The following BRMS1 variants were observed in gnomAD, a reference collection of about 807,000 sequenced individuals.
BRMS1 encodes the protein breast cancer metastasis-suppressor 1.
Under a neutral mutation model 40.4 loss-of-function variants are expected in BRMS1, and 26 were observed. The ratio of observed to expected loss-of-function variants is 0.64; its 90% CI spans 0.47 to 0.89. BRMS1 has a LOEUF of 0.89. Among genes scored for constraint, BRMS1 ranks in the 40% least tolerant of loss-of-function variants. The pLI, the probability that BRMS1 is intolerant of heterozygous loss-of-function variation, is 0.00. For missense variants in BRMS1, 289 were observed against 309.4 expected (o/e 0.93, Z 0.49); for synonymous variants, 103 against 116.0 (o/e 0.89, Z 0.72).
At chr11:66,342,715 G>A (rs1219004670) in intron 1 of BRMS1, among the ~76,000 whole-genome samples, 1 of 152,102 alleles carries the variant, frequency 6.6e-6, no homozygotes, top group Non-Finnish European at 1.5e-5. Flanking sequence ...ACAGGCGCCC[G>A]CACCACACCC....
intron 1 of BRMS1, among the ~76,000 whole-genome samples, chr11:66,343,774 T>C (rs532856821): frequency 5.3e-5 from 8 of 152,118 alleles, no homozygotes; most frequent in South Asian, 4.2e-4. Context: ...CAAGGCACAA[T>C]GTGTGCGATC....
rs374819672 is a variant in BRMS1 at position 66,337,880 on chromosome 11, G to C, written c.*2C>G. On this transcript the variant is annotated 3_prime_UTR_variant, in exon 10 of 10. Transcript: ENST00000359957. ...GGGTCCCCCTGGCTGTGAACAGCAG[G>C]GTCAAGGTCCTGTGCATATGTGGGA... 1 of 1,613,662 alleles carries C rather than the reference G, an allele frequency of 6.2e-7. No individual in the cohort carries two copies. Among genetic ancestry groups the C allele is most frequent in the African/African-American group, 1.3e-5 (1 of 74,932 alleles).
intron 8 of BRMS1, 63 bp from the exon 9 acceptor site, chr11:66,338,345 AC>A (rs1365772391): frequency 1.3e-6 from 2 of 1,559,460 alleles, no homozygotes; most frequent in Non-Finnish European, 1.7e-6. Context: ...TCCCTGCCCC[AC>A]CCCCCACCTC....
At chr11:66,344,611 A>G (rs1044957140) in intron 1 of BRMS1, 4 of 152,248 alleles carry the variant, frequency 2.6e-5, no homozygotes, top group African/African-American at 9.6e-5. Flanking sequence ...AAAGCGGATA[A>G]CCATTCCTGC....
rs1855172928 is a variant in BRMS1 at position 66,344,987 on chromosome 11, C to T, written c.-23G>A. On this transcript the variant is annotated 5_prime_UTR_variant, in exon 1 of 10. Coordinates refer to ENST00000359957, the MANE Select transcript of BRMS1 (RefSeq NM_015399.4). ...CGATACGCACCGCGGGGACTGGAGC[C>T]TCTGGCCTCACGACGGAGATTCCCT... 1 of 152,302 alleles carries T rather than the reference C, an allele frequency of 6.6e-6. No homozygotes were observed. Among genetic ancestry groups the T allele is most frequent in the South Asian group, 2.1e-4 (1 of 4,834 alleles). 9.4% of individuals were successfully genotyped at this position (152,302 alleles called of 1,614,324 possible).
At position 66,340,116 on chromosome 11, in the gene BRMS1, G is replaced by C. The variant is rs764446829; in HGVS notation, c.628+5C>G. On this transcript the variant is annotated splice_donor_5th_base_variant and intron_variant, in intron 7 of 9. Coordinates refer to ENST00000359957, the MANE Select transcript of BRMS1 (RefSeq NM_015399.4). ...ACTTTTAGGCCACCTTGGGTGAAAGGATACCAGAAACCAGAGGTGCCTTCT... is the reference window on the plus strand; with the variant it reads ...ACTTTTAGGCCACCTTGGGTGAAAGCATACCAGAAACCAGAGGTGCCTTCT... 2.5e-6 allele frequency: 4 copies of C among 1,613,038 alleles called. No individual in the cohort carries two copies. Among genetic ancestry groups the C allele is most frequent in the Admixed American group, 1.7e-5 (1 of 59,860 alleles).
rs1855058673 is a variant in BRMS1, at chr11:66,341,139, G to A, written c.358+67C>T. 5 of 1,612,192 alleles carry A rather than the reference G, an allele frequency of 3.1e-6. No homozygotes were observed. Among genetic ancestry groups the A allele is most frequent in the East Asian group, 4.5e-5 (2 of 44,852 alleles). Reference sequence around the variant, plus strand: ...GCAAAGGGCAAGGCCGGGCAGGAACGAGAGAGGAAGGGGACAGGGTGCCAC... The same window carrying A: ...GCAAAGGGCAAGGCCGGGCAGGAACAAGAGAGGAAGGGGACAGGGTGCCAC... On this transcript the variant is annotated intron_variant, in intron 4 of 9. Coordinates refer to ENST00000359957, the MANE Select transcript of BRMS1 (RefSeq NM_015399.4). This position sits in a 1 kb window ranked among gnomAD's most constrained non-coding sequence, Gnocchi z 4.9.
rs759706118 is a variant in BRMS1, at chr11:66,337,839, G to A, written c.*43C>T. 1.2e-6 allele frequency: 2 copies of A among 1,614,244 alleles called. No individual in the cohort carries two copies. The highest frequency in any genetic ancestry group is 1.7e-6 in the Non-Finnish European group (2 of 1,180,040). On this transcript the variant is annotated 3_prime_UTR_variant, in exon 10 of 10. Transcript: ENST00000359957. Reference sequence around the variant, plus strand: ...GAGGAAGACGAGAATCCTGGGTGCAGTGCCAGCTGCTCTGAGGGTCCCCCT... The same window carrying A: ...GAGGAAGACGAGAATCCTGGGTGCAATGCCAGCTGCTCTGAGGGTCCCCCT...
intron 1 of BRMS1, chr11:66,344,687 G>A (rs1304918645): frequency 1.3e-5 from 2 of 152,316 alleles, no homozygotes; most frequent in African/African-American, 4.8e-5. Flanking sequence ...GCTGTACACA[G>A]GCAATTTATC....
At chr11:66,344,117 G>A (rs577559212) in intron 1 of BRMS1, among the ~76,000 whole-genome samples, 2 of 152,148 alleles carry the variant, frequency 1.3e-5, no homozygotes, top group South Asian at 2.1e-4. Flanking sequence ...ATCTGTCCCC[G>A]CAATCAGTCT....
Position 66,341,200 on chromosome 11 carries a change from A to C in BRMS1, c.358+6T>G. On this transcript the variant is annotated splice_donor_region_variant and intron_variant, in intron 4 of 9. Transcript: ENST00000359957. The surrounding 1 kb of genome is among the most constrained non-coding windows in gnomAD (Gnocchi z 4.9). ...AGGGGAAGAGGGTACAGAACCACCC[A>C]CAGACCTGCCACCTGAATGCGAATC... 1 of 1,611,716 alleles carries C rather than the reference A, an allele frequency of 6.2e-7. No homozygotes were observed.
In BRMS1 at chr11:66,341,870, CTGTG is replaced by C. The variant is rs776309473; in HGVS notation, c.139+222_139+225del. 4.0e-5 allele frequency: 26 copies of C among 642,522 alleles called. No individual in the cohort carries two copies. Among genetic ancestry groups the C allele is most frequent in the Middle Eastern group, 4.1e-4 (1 of 2,424 alleles). 39.8% of individuals were successfully genotyped at this position (642,522 alleles called of 1,614,324 possible). A position where few individuals can be genotyped will look rare whatever the true frequency, so the allele number is the denominator to read the frequency against. On this transcript the variant is annotated intron_variant, in intron 2 of 9. Transcript: ENST00000359957. The surrounding 1 kb of genome is among the most constrained non-coding windows in gnomAD (Gnocchi z 4.9). ...GTGCACGTGTACTTGTGTGAAGGGG[CTGTG>C]TGTGTGCATACGTGCTTGTGTGTAG...
intron 9 of BRMS1, 144 bp downstream of exon 9, chr11:66,338,099 C>T (rs903628973): frequency 9.3e-6 from 12 of 1,295,476 alleles, no homozygotes; most frequent in South Asian, 1.4e-5. Flanking sequence ...CCACAAGCCC[C>T]TCAAATCTAG....
In BRMS1 at chr11:66,337,784, T is replaced by C. The variant is rs1160237698; in HGVS notation, c.*98A>G. ...CACAGGAGCCTGGCTGGGCAGACCC[T>C]GAGGGGCCTGTGGGTCCGCCTGTCT... On this transcript the variant is annotated 3_prime_UTR_variant, in exon 10 of 10. Coordinates refer to ENST00000359957, the MANE Select transcript of BRMS1 (RefSeq NM_015399.4). 5 of 1,613,640 alleles carry C rather than the reference T, an allele frequency of 3.1e-6. No homozygotes were observed. Among genetic ancestry groups the C allele is most frequent in the African/African-American group, 1.3e-5 (1 of 74,934 alleles).
chr11:66,339,159 GATGTCTCC>G (rs1855010025), intron 7 of BRMS1, among the ~76,000 whole-genome samples: 2 of 152,154 alleles, frequency 1.3e-5, no homozygotes, highest in Non-Finnish European at 2.9e-5. Context: ...CTCCCTACTT[GATGTCTCC>G]ATGCCTTCAC....
Position 66,345,058 on chromosome 11 carries a change from C to A in BRMS1, c.-94G>T, listed in dbSNP as rs377412180. 2.4e-4 allele frequency: 37 copies of A among 152,398 alleles called. No individual in the cohort carries two copies. The East Asian group carries it at 2.5e-3, about 10-fold the overall frequency. The allele number at this position is 152,398 out of a possible 1,614,324, so 9.4% of individuals were successfully genotyped here. ...GGTACCGGCTGCTGCCGCCGGACTC[C>A]CGTAGGCGCTGCGCGGCTCCCTTTT... On this transcript the variant is annotated 5_prime_UTR_variant, in exon 1 of 10. Transcript: ENST00000359957.
In BRMS1 at chr11:66,341,856, C is replaced by T. The variant is rs1348986434; in HGVS notation, c.140-233G>A. The T allele has an allele frequency of 5.0e-6, 3 of 605,130 alleles. No individual in the cohort carries two copies. The African/African-American group carries it at 6.3e-5, about 13-fold the overall frequency. The allele number at this position is 605,130 out of a possible 1,614,324, so 37.5% of individuals were successfully genotyped here. A position where few individuals can be genotyped will look rare whatever the true frequency, so the allele number is the denominator to read the frequency against. On this transcript the variant is annotated intron_variant, in intron 2 of 9. Transcript: ENST00000359957. The surrounding 1 kb of genome is among the most constrained non-coding windows in gnomAD (Gnocchi z 4.9). The stretch of plus-strand genomic sequence containing the variant: ...TGTGAAGGGGCTGTGTGCACGTGTA[C>T]TTGTGTGAAGGGGCTGTGTGTGTGC...
rs1565205838 is a variant in BRMS1, at chr11:66,340,433, A to G, written c.536-220T>C. ...GCACTTCTGTGAGCCTCATCTGTTT[A>G]GTGGAGAGTGGGATGACGACAATTC... On this transcript the variant is annotated intron_variant, in intron 6 of 9. Transcript: ENST00000359957. Among the ~76,000 whole-genome samples the G allele has an allele frequency of 2.0e-5, 3 of 152,182 alleles. No homozygotes were observed. In the South Asian group the frequency reaches 6.2e-4, roughly 32 times the overall value.
chr11:66,340,949 G>T lies in BRMS1; in HGVS notation c.438+18C>A. ...CTTTGTGCCCTGCCTCACCCCCAGT[G>T]TGCCCAATCAGGCCCACCTCCAGGT... On this transcript the variant is annotated intron_variant, in intron 5 of 9. Coordinates refer to ENST00000359957, the MANE Select transcript of BRMS1 (RefSeq NM_015399.4). 2 of 1,614,024 alleles carry T rather than the reference G, an allele frequency of 1.2e-6. No individual in the cohort carries two copies. The highest frequency in any genetic ancestry group is 1.3e-5 in the African/African-American group (1 of 75,064).
Sources: gnomAD v4.1 joint callset for allele counts (sites outside exome capture counted in the v4.1 genomes callset) on GRCh38, gnomAD v4.1.1 for gene constraint, Gnocchi (gnomAD v3.1) non-coding constraint, MANE v1.5 for transcripts, NCBI Gene and HGNC (gene_info 2026-07-23, HGNC 2026-07-21) for gene names.